The following NEURL4 variants were observed in gnomAD, a reference collection of about 807,000 sequenced individuals.
NEURL4 encodes the protein neuralized E3 ubiquitin protein ligase 4, also known as neuralized-like protein 4.
A neutral mutation model predicts 148.0 loss-of-function variants in NEURL4; 45 were observed. The observed-to-expected ratio is 0.30, with a 90% CI of 0.24 to 0.39. The LOEUF is 0.39. Ranked by LOEUF, NEURL4 falls within the 10% of genes least tolerant of loss-of-function variation. The pLI, the probability that NEURL4 is intolerant of heterozygous loss-of-function variation, is 1.00. For synonymous variants in NEURL4, 854 were observed against 869.0 expected (o/e 0.98, Z 0.30); for missense variants, 1,776 against 2,144.0 (o/e 0.83, Z 3.39).
At chr17:7,323,749 G>A in intron 12 of NEURL4, 26 bp from the exon 13 acceptor site, 1 of 1,613,946 alleles carries the variant, frequency 6.2e-7, no homozygotes, top group Admixed American at 1.7e-5. Flanking sequence ...CGATCAGAGA[G>A]GCTCTACTTG....
Position 7,325,334 on chromosome 17 carries a change from G to T in NEURL4, c.1506C>A (p.Ser502=). ...RRNNAILRAL[S]PEGALRRAAP... ...CAGCACGGCGGAGAGCACCCTCGGG[G>T]GACAGCGCCCGCAGGATGGCGTTGT... Residue 502 remains serine (S), a synonymous_variant, in exon 8 of 29, where the codon TCC becomes TCA. Transcript: ENST00000399464. 1 of 1,613,474 alleles carries T rather than the reference G, an allele frequency of 6.2e-7. No homozygotes were observed. Among genetic ancestry groups the T allele is most frequent in the Non-Finnish European group, 8.5e-7 (1 of 1,179,900 alleles).
chr17:7,319,131 G>C lies in NEURL4; in HGVS notation c.3603C>G (p.Leu1201=), dbSNP rs764272544. 1.9e-6 allele frequency: 3 copies of C among 1,614,108 alleles called. No homozygotes were observed. The South Asian group carries it at 3.3e-5, about 18-fold the overall frequency. The stretch of plus-strand genomic sequence containing the variant: ...GGGCACAGGCAGAAGCAGGGAAGTT[G>C]AGCCTCTCAGGCGCGCAGGTGATGA... ...LGVITCAPER[L]NFPASACALK... The change falls in exon 22 of 29, where the codon CTC becomes CTG. Residue 1201 remains leucine, a synonymous_variant. Transcript: ENST00000399464.
chr17:7,322,598 C>T lies in NEURL4; in HGVS notation c.2725+137G>A, dbSNP rs941010139. 2.2e-5 allele frequency: 25 copies of T among 1,141,902 alleles called. No homozygotes were observed. The highest frequency in any genetic ancestry group is 5.5e-5 in the South Asian group (4 of 72,152). The allele number at this position is 1,141,902 out of a possible 1,614,324, so 70.7% of individuals were successfully genotyped here. On this transcript the variant is annotated intron_variant, in intron 16 of 28. Coordinates refer to ENST00000399464, the MANE Select transcript of NEURL4 (RefSeq NM_032442.3). The surrounding 1 kb of genome is among the most constrained non-coding windows in gnomAD (Gnocchi z 5.5). ...CTCCCCCTCACTGGCTGCTTGCCACCGTGGGCTGTCCCTTCCCTGGAGCCG... is the reference window on the plus strand; with the variant it reads ...CTCCCCCTCACTGGCTGCTTGCCACTGTGGGCTGTCCCTTCCCTGGAGCCG...
chr17:7,316,239 G>C lies in NEURL4; in HGVS notation c.4573C>G (p.Pro1525Ala). The C allele has an allele frequency of 6.2e-7, 1 of 1,613,936 alleles. No individual in the cohort carries two copies. Among genetic ancestry groups the C allele is most frequent in the South Asian group, 1.1e-5 (1 of 91,070 alleles). Residue 1525 changes from proline (P) to alanine (A), a missense_variant, in exon 29 of 29, where the codon CCT becomes GCT. Transcript: ENST00000399464. ...GGAGGTTCTCCAAGGGCAGCGGAAG[G>C]GGGTCCCGGGGTGTAGGAGCCAGGG... ...VRPGSYTPGP[P>A]SAALGEPPDP... is the part of the protein sequence containing the mutation.
chr17:7,317,093 G>A (rs2072957718), intron 28 of NEURL4, 112 bp downstream of exon 28: 1 of 684,280 alleles, frequency 1.5e-6, no homozygotes, highest in African/African-American at 1.8e-5. Flanking sequence ...CTGGCAGCTA[G>A]CAAGACGAGA....
In NEURL4 at chr17:7,317,522, T is replaced by A; in HGVS notation, c.4257A>T (p.Ala1419=). ...CAGCGGCAACATTGCTCCCGTGATATGCCATGTGCCACTTCTTGGTTAGTG... is the reference window on the plus strand; with the variant it reads ...CAGCGGCAACATTGCTCCCGTGATAAGCCATGTGCCACTTCTTGGTTAGTG... ...AGTLTKKWHM[A]YHGSNVAAVR... is the part of the protein sequence containing the mutation. Residue 1419 remains alanine, a synonymous_variant, in exon 27 of 29, where the codon GCA becomes GCT. Coordinates refer to ENST00000399464, the MANE Select transcript of NEURL4 (RefSeq NM_032442.3). 6.2e-7 allele frequency: 1 copy of A among 1,614,166 alleles called. No individual in the cohort carries two copies. The highest frequency in any genetic ancestry group is 2.2e-5 in the East Asian group (1 of 44,884).
At chr17:7,316,449 T>G in intron 28 of NEURL4, 122 bp from the exon 29 acceptor site, 1 of 726,184 alleles carries the variant, frequency 1.4e-6, no homozygotes, top group Non-Finnish European at 2.3e-6. Flanking sequence ...TATGGGAACT[T>G]CGCTCTAGCT....
In NEURL4 at chr17:7,319,201, A is replaced by G. The variant is rs2143011688; in HGVS notation, c.3533T>C (p.Ile1178Thr). ...TGTCCACTGTCGGTTTAGGAAATCT[A>G]TCCGCACCTGGGGAAGAAAGAACTA... ...LVPQLLVQVR[I>T]DFLNRQWTSS... is the part of the protein sequence containing the mutation. The change falls in exon 22 of 29, where the codon ATA becomes ACA. Residue 1178 changes from isoleucine to threonine, a missense_variant. Physicochemically the swap from Ile to Thr is moderately conservative, Grantham distance 89 (BLOSUM62 -1). Transcript: ENST00000399464. 8.1e-6 allele frequency: 13 copies of G among 1,611,810 alleles called. No homozygotes were observed. The highest frequency in any genetic ancestry group is 1.1e-5 in the Non-Finnish European group (13 of 1,178,704).
At position 7,324,495 on chromosome 17, in the gene NEURL4, A is replaced by G. The variant is rs2073075839; in HGVS notation, c.1814-15T>C. 1 of 1,611,114 alleles carries G rather than the reference A, an allele frequency of 6.2e-7. No individual in the cohort carries two copies. On this transcript the variant is annotated splice_polypyrimidine_tract_variant and intron_variant, in intron 9 of 28. Transcript: ENST00000399464. This position sits in a 1 kb window ranked among gnomAD's most constrained non-coding sequence, Gnocchi z 5.9. ...CATCCAGGTCCCTGGGAGGACAAGG[A>G]GCAGGAGGGGACATGAGGGGAAATG...
In NEURL4 at chr17:7,316,037, G is replaced by C. The variant is rs1428562628; in HGVS notation, c.*86C>G. 1.3e-6 allele frequency: 1 copy of C among 799,832 alleles called. No homozygotes were observed. Among genetic ancestry groups the C allele is most frequent in the Non-Finnish European group, 2.2e-6 (1 of 445,862 alleles). The allele number at this position is 799,832 out of a possible 1,614,324, so 49.5% of individuals were successfully genotyped here. On this transcript the variant is annotated 3_prime_UTR_variant, in exon 29 of 29. Coordinates refer to ENST00000399464, the MANE Select transcript of NEURL4 (RefSeq NM_032442.3). ...GCTCCAGCACCTGCGCATGCCACGA[G>C]TCACGGGAATGAGGTGGAGGCAGTC... is the stretch of plus-strand genomic sequence containing the variant.
Position 7,324,620 on chromosome 17 carries a change from C to A in NEURL4, c.1814-140G>T. The A allele has an allele frequency of 9.4e-7, 1 of 1,066,790 alleles. No individual in the cohort carries two copies. The highest frequency in any genetic ancestry group is 1.5e-5 in the South Asian group (1 of 68,628). The allele number at this position is 1,066,790 out of a possible 1,614,324, so 66.1% of individuals were successfully genotyped here. ...GACTAGATTTCTTCCCTGAGCAGGA[C>A]AAGAAAACTCTGCAGCTTCCAAGAC... On this transcript the variant is annotated intron_variant, in intron 9 of 28. Transcript: ENST00000399464. This position sits in a 1 kb window ranked among gnomAD's most constrained non-coding sequence, Gnocchi z 5.9.
Position 7,327,399 on chromosome 17 carries a change from C to T in NEURL4, c.727+41G>A, listed in dbSNP as rs370755724. Reference sequence around the variant, plus strand: ...GTCTTGTCACTCTATTTCCCCCATTCCGTCCCCACCCCACCACCACTGCCC... The same window carrying T: ...GTCTTGTCACTCTATTTCCCCCATTTCGTCCCCACCCCACCACCACTGCCC... On this transcript the variant is annotated intron_variant, in intron 2 of 28. Transcript: ENST00000399464. This position sits in a 1 kb window ranked among gnomAD's most constrained non-coding sequence, Gnocchi z 6.6. 14 of 1,500,682 alleles carry T rather than the reference C, an allele frequency of 9.3e-6. No homozygotes were observed. The highest frequency in any genetic ancestry group is 1.3e-5 in the Non-Finnish European group (14 of 1,110,444). 93.0% of individuals were successfully genotyped at this position (1,500,682 alleles called of 1,614,324 possible).
At position 7,325,681 on chromosome 17, in the gene NEURL4, G is replaced by C; in HGVS notation, c.1326C>G (p.Ser442=). 3.7e-6 allele frequency: 6 copies of C among 1,613,758 alleles called. No individual in the cohort carries two copies. Among genetic ancestry groups the C allele is most frequent in the Non-Finnish European group, 5.1e-6 (6 of 1,179,938 alleles). ...EGDHIGLTRK[S]NSALHFFING... ...TAATGAAGAAGTGTAGGGCAGAGTT[G>C]GACTTCCTTGTGAGGCCAATGTGGT... The change falls in exon 7 of 29, where the codon TCC becomes TCG. Residue 442 remains serine (S), a synonymous_variant. Coordinates refer to ENST00000399464, the MANE Select transcript of NEURL4 (RefSeq NM_032442.3).
chr17:7,321,509 T>G lies in NEURL4; in HGVS notation c.3100-50A>C. On this transcript the variant is annotated intron_variant, in intron 18 of 28. Coordinates refer to ENST00000399464, the MANE Select transcript of NEURL4 (RefSeq NM_032442.3). The surrounding 1 kb of genome is among the most constrained non-coding windows in gnomAD (Gnocchi z 6.3). ...GGACGATGTTCAGCCCACCTCTCCC[T>G]GCCACCTCCACTCCCAACCCCTCCC... 1 of 1,612,590 alleles carries G rather than the reference T, an allele frequency of 6.2e-7. No homozygotes were observed. The highest frequency in any genetic ancestry group is 8.5e-7 in the Non-Finnish European group (1 of 1,178,786).
intron 26 of NEURL4, 40 bp downstream of exon 26, chr17:7,317,748 G>T (rs751443387): frequency 6.2e-7 from 1 of 1,606,710 alleles, no homozygotes; most frequent in South Asian, 1.1e-5. Context: ...TCTCCAGGGG[G>T]AAAACAGTAG....
chr17:7,320,370 A>AG (rs2073015098), intron 21 of NEURL4, among the ~76,000 whole-genome samples: 1 of 152,122 alleles, frequency 6.6e-6, no homozygotes, highest in African/African-American at 2.4e-5. Context: ...CGTGAGCTCA[A>AG]GCGATCCGCC....
Position 7,318,707 on chromosome 17 carries a change from C to A in NEURL4, c.3685-33G>T. The stretch of plus-strand genomic sequence containing the variant: ...GAGAGACCGGCTGTCTTCCAGAGGT[C>A]AGACTCCACCGCGGCAGCTGTCCCG... On this transcript the variant is annotated intron_variant, in intron 22 of 28. Transcript: ENST00000399464. The surrounding 1 kb of genome is among the most constrained non-coding windows in gnomAD (Gnocchi z 4.3). The A allele has an allele frequency of 6.4e-7, 1 of 1,572,606 alleles. No homozygotes were observed. The highest frequency in any genetic ancestry group is 1.2e-5 in the South Asian group (1 of 86,022).
intron 21 of NEURL4, among the ~76,000 whole-genome samples, 166 bp from the exon 22 acceptor site, chr17:7,319,374 CTTTTTTTTTTTTTTTTTTTTTTT>C (rs374281551): frequency 1.8e-5 from 2 of 113,932 alleles, no homozygotes; most frequent in East Asian, 5.2e-4. Context: ...TTCTTTCCCT[CTTTTTTTTTTTTTTTTTTTTTTT>C]TTTTTTAAAA....
chr17:7,323,157 C>CCAACTT, intron 14 of NEURL4, 34 bp from the exon 15 acceptor site: 1 of 1,597,118 alleles, frequency 6.3e-7, no homozygotes, highest in Non-Finnish European at 8.6e-7. Context: ...AGTCAGCCTG[C>CCAACTT]CAACTTCAAC....
Sources: allele counts gnomAD v4.1 joint callset (sites outside exome capture counted in the v4.1 genomes callset), GRCh38; gene constraint gnomAD v4.1.1; non-coding constraint Gnocchi (gnomAD v3.1); transcripts MANE v1.5; gene names NCBI Gene and HGNC (gene_info 2026-07-23, HGNC 2026-07-21).